Variants in ZC3H12C observed in about 807,000 individuals in gnomAD.
ZC3H12C encodes the protein zinc finger CCCH-type containing 12C, also known as probable ribonuclease ZC3H12C.
In ZC3H12C, 20 loss-of-function variants were observed where a neutral mutation model predicts 76.3. The ratio of observed to expected loss-of-function variants is 0.26; its 90% CI spans 0.18 to 0.38. The LOEUF is 0.38. ZC3H12C is among the 10% of genes least tolerant of loss of function. ZC3H12C has a pLI of 1.00. For synonymous variants in ZC3H12C, 352 were observed against 399.6 expected (o/e 0.88, Z 1.42); for missense variants, 874 against 1,086.5 (o/e 0.80, Z 2.75).
At chr11:110,128,495 C>T (rs1315124079) in intron 1 of ZC3H12C, among the ~76,000 whole-genome samples, 1 of 152,124 alleles carries the variant, frequency 6.6e-6, no homozygotes, top group Non-Finnish European at 1.5e-5. Context: ...TGAGCAGATT[C>T]CTCCTCCTCC....
At position 110,165,516 on chromosome 11, in the gene ZC3H12C, A is replaced by G. The variant is rs1359934354; in HGVS notation, c.2431A>G (p.Ser811Gly). ...QPCYEQFTFQ[S>G]LPEQQEPAWR... ...GTGTTATGAGCAGTTCACCTTCCAG[A>G]GCCTCCCTGAGCAACAGGAGCCAGC... Residue 811 changes from serine to glycine, a missense_variant, in exon 6 of 6, where the codon AGC becomes GGC. Ser to Gly is a moderately conservative substitution (Grantham distance 56). Transcript: ENST00000278590. 6.2e-7 allele frequency: 1 copy of G among 1,613,960 alleles called. No homozygotes were observed. The highest frequency in any genetic ancestry group is 8.5e-7 in the Non-Finnish European group (1 of 1,179,858).
chr11:110,151,698 A>G (rs1394450640), intron 2 of ZC3H12C, among the ~76,000 whole-genome samples: 2 of 152,148 alleles, frequency 1.3e-5, no homozygotes, highest in Non-Finnish European at 2.9e-5. Context: ...TACCTAGAAA[A>G]TTACCTCAAA....
intron 1 of ZC3H12C, among the ~76,000 whole-genome samples, chr11:110,128,667 C>G (rs1320649129): frequency 1.3e-5 from 2 of 152,144 alleles, no homozygotes; most frequent in African/African-American, 4.8e-5. Context: ...ACCTCAGTGT[C>G]TCTTCTACTC....
intron 1 of ZC3H12C, among the ~76,000 whole-genome samples, chr11:110,113,946 A>G (rs1012813725): frequency 3.3e-5 from 5 of 152,202 alleles, no homozygotes; most frequent in African/African-American, 1.2e-4. Context: ...AAATAGAAAT[A>G]TGTACTCAGA....
chr11:110,170,856 T>C lies in ZC3H12C; in HGVS notation c.*5119T>C, dbSNP rs1862664899. 1 of 152,242 alleles carries C rather than the reference T, an allele frequency of 6.6e-6. No individual in the cohort carries two copies. The highest frequency in any genetic ancestry group is 1.5e-5 in the Non-Finnish European group (1 of 68,036). 9.4% of individuals were successfully genotyped at this position (152,242 alleles called of 1,614,324 possible). A position where few individuals can be genotyped will look rare whatever the true frequency, so the allele number is the denominator to read the frequency against. ...GGTTTTAACAATGTTTATTGTTTTT[T>C]AAGTGGTTACTTTGTTTTTCCTTAA... On this transcript the variant is annotated 3_prime_UTR_variant, in exon 6 of 6. Transcript: ENST00000278590.
chr11:110,107,342 A>T (rs1182437454), intron 1 of ZC3H12C, among the ~76,000 whole-genome samples: 1 of 152,098 alleles, frequency 6.6e-6, no homozygotes, highest in Non-Finnish European at 1.5e-5. Flanking sequence ...AAGGTAAATG[A>T]TACAGTGTGT....
intron 2 of ZC3H12C, among the ~76,000 whole-genome samples, chr11:110,147,668 C>A (rs555899674): frequency 6.6e-6 from 1 of 151,976 alleles, no homozygotes; most frequent in South Asian, 2.1e-4. Context: ...TTGTATGACA[C>A]TGTAGTGTCA....
chr11:110,129,462 G>A (rs1460479832), intron 1 of ZC3H12C, among the ~76,000 whole-genome samples: 1 of 152,188 alleles, frequency 6.6e-6, no homozygotes, highest in African/African-American at 2.4e-5. Context: ...AAGGCCAGGA[G>A]TCCCAAACTA....
intron 1 of ZC3H12C, 50 bp downstream of exon 1, chr11:110,093,482 C>A: frequency 8.5e-7 from 1 of 1,180,712 alleles, no homozygotes; most frequent in Non-Finnish European, 1.1e-6. Flanking sequence ...CGAGAGTGGT[C>A]CTGGGGTAGC....
intron 1 of ZC3H12C, among the ~76,000 whole-genome samples, chr11:110,128,309 C>G (rs1011980841): frequency 6.6e-6 from 1 of 152,152 alleles, no homozygotes; most frequent in Non-Finnish European, 1.5e-5. Flanking sequence ...TTAACATTAT[C>G]CAATACTAGC....
chr11:110,134,671 G>A (rs1480795354), intron 1 of ZC3H12C, among the ~76,000 whole-genome samples: 2 of 152,142 alleles, frequency 1.3e-5, no homozygotes, highest in South Asian at 2.1e-4. Flanking sequence ...TGAAGCAGAT[G>A]TATACAGAGC....
At chr11:110,117,869 T>TAC (rs1331183710) in intron 1 of ZC3H12C, among the ~76,000 whole-genome samples, 2 of 74,814 alleles carry the variant, frequency 2.7e-5, no homozygotes, top group Admixed American at 2.7e-4. Flanking sequence ...ATAATATATA[T>TAC]ACACACACAT....
At position 110,164,776 on chromosome 11, in the gene ZC3H12C, T is replaced by C. The variant is rs1862546087; in HGVS notation, c.1691T>C (p.Met564Thr). 1 of 1,613,942 alleles carries C rather than the reference T, an allele frequency of 6.2e-7. No homozygotes were observed. The highest frequency in any genetic ancestry group is 8.5e-7 in the Non-Finnish European group (1 of 1,179,902). The change falls in exon 6 of 6, where the codon ATG (methionine) becomes ACG (threonine). Residue 564 changes from methionine to threonine, a missense_variant. This residue lies in a region of ZC3H12C where 395 missense variants were observed against 434.4 expected (regional missense o/e 0.91). Coordinates refer to ENST00000278590, the MANE Select transcript of ZC3H12C (RefSeq NM_033390.2). This position sits in a 1 kb window ranked among gnomAD's most constrained non-coding sequence, Gnocchi z 5.7. ...CAGGGACAATATCCTTCAATGATGA[T>C]GGCAACCAAAAATCATGGAACGCCA... Reference protein sequence around the residue: ...RPQGQYPSMMMATKNHGTPMP... With the variant: ...RPQGQYPSMMTATKNHGTPMP...
rs937328277 is a variant in ZC3H12C, at chr11:110,171,136, G to T, written c.*5399G>T. ...CAAAACGCTGTTCATTGAAGCTTTC[G>T]CCACCTTTCTTAAAGCAGCGTATGT... is the stretch of plus-strand genomic sequence containing the variant. On this transcript the variant is annotated 3_prime_UTR_variant, in exon 6 of 6. Coordinates refer to ENST00000278590, the MANE Select transcript of ZC3H12C (RefSeq NM_033390.2). 6.6e-6 allele frequency: 1 copy of T among 152,114 alleles called. No individual in the cohort carries two copies. 9.4% of individuals were successfully genotyped at this position (152,114 alleles called of 1,614,324 possible). A position where few individuals can be genotyped will look rare whatever the true frequency, so the allele number is the denominator to read the frequency against.
At chr11:110,143,645 G>C (rs1044943887) in intron 2 of ZC3H12C, among the ~76,000 whole-genome samples, 2 of 151,964 alleles carry the variant, frequency 1.3e-5, no homozygotes. Flanking sequence ...AGTTTAAAAA[G>C]ATTATTTTTA....
rs1270424732 is a variant in ZC3H12C, at chr11:110,136,701, C to T, written c.60C>T (p.Asn20=). 1.2e-6 allele frequency: 2 copies of T among 1,613,552 alleles called. No individual in the cohort carries two copies. The highest frequency in any genetic ancestry group is 1.1e-5 in the South Asian group (1 of 90,950). Residue 20 remains asparagine (N), a synonymous_variant, in exon 2 of 6, where the codon AAC becomes AAT. Transcript: ENST00000278590. ...GVLCIQEYRK[N]SKVESSTRNN... ...TTTGCATTCAGGAATACAGAAAAAACAGCAAAGTGGAGTCAAGTACACGTA... is the reference window on the plus strand; with the variant it reads ...TTTGCATTCAGGAATACAGAAAAAATAGCAAAGTGGAGTCAAGTACACGTA...
chr11:110,103,112 A>G (rs1044349052), intron 1 of ZC3H12C, among the ~76,000 whole-genome samples: 1 of 152,198 alleles, frequency 6.6e-6, no homozygotes, highest in African/African-American at 2.4e-5. Flanking sequence ...TTTCCAAGGT[A>G]TGCCTATGGA....
In ZC3H12C at chr11:110,165,042, G is replaced by A. The variant is rs770121733; in HGVS notation, c.1957G>A (p.Asp653Asn). ...TGACCGGTCCTATGTCAGCTCCCCC[G>A]ACCCACAGCTAGAGGAGAATTTGAA... ...YNDRSYVSSP[D>N]PQLEENLKCQ... Residue 653 changes from aspartate to asparagine, a missense_variant, in exon 6 of 6, where the codon GAC becomes AAC. By Grantham distance (23) the Asp-to-Asn change is conservative. Coordinates refer to ENST00000278590, the MANE Select transcript of ZC3H12C (RefSeq NM_033390.2). 3 of 1,613,798 alleles carry A rather than the reference G, an allele frequency of 1.9e-6. No individual in the cohort carries two copies. The highest frequency in any genetic ancestry group is 2.5e-6 in the Non-Finnish European group (3 of 1,179,866).
intron 1 of ZC3H12C, among the ~76,000 whole-genome samples, chr11:110,117,651 T>C (rs140006245): frequency 0.022 from 3,225 of 143,968 alleles, 45 homozygotes; most frequent in Non-Finnish European, 0.034. Flanking sequence ...TATATATATA[T>C]ACACACACAC....
Sources: gnomAD v4.1 joint callset for allele counts (sites outside exome capture counted in the v4.1 genomes callset) on GRCh38, gnomAD v4.1.1 for gene constraint, gnomAD v4.1.1 regional missense constraint, Gnocchi (gnomAD v3.1) non-coding constraint, MANE v1.5 for transcripts, NCBI Gene and HGNC (gene_info 2026-07-23, HGNC 2026-07-21) for gene names.